The following DLGAP1 variants were observed in gnomAD, a reference collection of about 807,000 sequenced individuals.
DLGAP1 encodes the protein disks large-associated protein 1.
A neutral mutation model predicts 90.8 loss-of-function variants in DLGAP1; 11 were observed. The observed-to-expected ratio is 0.12, with a 90% CI of 0.08 to 0.20. DLGAP1 has a LOEUF of 0.20. DLGAP1 is among the 10% of genes least tolerant of loss of function. The probability of loss-of-function intolerance (pLI) is 1.00; values close to 1 mark genes in which losing one functional copy is unlikely to be tolerated. For missense variants in DLGAP1, 1,050 were observed against 1,333.8 expected (o/e 0.79, Z 3.31); for synonymous variants, 558 against 540.7 (o/e 1.03, Z -0.44).
chr18:3,577,511 G>A (rs1245334019), intron 8 of DLGAP1, among the ~76,000 whole-genome samples: 2 of 152,130 alleles, frequency 1.3e-5, no homozygotes, highest in Non-Finnish European at 2.9e-5. Flanking sequence ...TCTACTATGC[G>A]GTGGTATAAA....
intron 5 of DLGAP1, among the ~76,000 whole-genome samples, chr18:3,813,707 G>A (rs1236668687): frequency 2.6e-5 from 4 of 152,006 alleles, no homozygotes; most frequent in African/African-American, 9.7e-5. Context: ...TCGTGCCTGA[G>A]CAAACGTTCA....
intron 1 of DLGAP1, among the ~76,000 whole-genome samples, chr18:4,261,456 C>T (rs2079000992): frequency 6.6e-6 from 1 of 152,080 alleles, no homozygotes; most frequent in African/African-American, 2.4e-5. Context: ...ACTATTCTTC[C>T]CCTTGAAGTG....
At chr18:4,372,771 A>C (rs1260541721) in intron 1 of DLGAP1, among the ~76,000 whole-genome samples, 1 of 152,032 alleles carries the variant, frequency 6.6e-6, no homozygotes, top group Non-Finnish European at 1.5e-5. Flanking sequence ...TACTAAAAAT[A>C]CAAAAAATTA....
intron 3 of DLGAP1, among the ~76,000 whole-genome samples, chr18:3,968,181 C>T (rs917348322): frequency 1.3e-5 from 2 of 152,128 alleles, no homozygotes; most frequent in African/African-American, 4.8e-5. Context: ...GGGACCTCAC[C>T]CTGCCCCACT....
chr18:4,025,100 T>C (rs912107223), intron 2 of DLGAP1, among the ~76,000 whole-genome samples: 6 of 152,136 alleles, frequency 3.9e-5, no homozygotes, highest in Admixed American at 3.3e-4. Flanking sequence ...TCTAGGGATT[T>C]AGCAGCGGAA....
intron 1 of DLGAP1, among the ~76,000 whole-genome samples, chr18:4,380,684 G>A (rs779637364): frequency 6.6e-6 from 1 of 152,090 alleles, no homozygotes; most frequent in East Asian, 1.9e-4. Context: ...TGTGCACCCC[G>A]TTCTGGCTTT....
chr18:3,626,400 C>G (rs935736817), intron 7 of DLGAP1, among the ~76,000 whole-genome samples: 2 of 151,410 alleles, frequency 1.3e-5, no homozygotes, highest in South Asian at 4.2e-4. Flanking sequence ...TTAAGACAAG[C>G]CTGGGCAACA....
chr18:3,953,622 T>C (rs1453409941), intron 3 of DLGAP1, among the ~76,000 whole-genome samples: 2 of 152,228 alleles, frequency 1.3e-5, no homozygotes, highest in Non-Finnish European at 2.9e-5. Flanking sequence ...ATCTTTGCTA[T>C]TGTGATTAGC....
intron 1 of DLGAP1, among the ~76,000 whole-genome samples, chr18:4,343,429 C>T (rs111943026): frequency 9.9e-5 from 15 of 152,008 alleles, no homozygotes; most frequent in Middle Eastern, 6.8e-3. Context: ...TGGTAGTATC[C>T]TGATTACTTA....
chr18:4,276,172 T>A (rs2079409122), intron 1 of DLGAP1, among the ~76,000 whole-genome samples: 1 of 134,114 alleles, frequency 7.5e-6, no homozygotes, highest in Middle Eastern at 3.4e-3. Flanking sequence ...GGGGCTTGAT[T>A]TTTTTTTTTT....
intron 4 of DLGAP1, among the ~76,000 whole-genome samples, chr18:3,834,665 G>A (rs973268921): frequency 2.6e-5 from 4 of 152,292 alleles, no homozygotes; most frequent in East Asian, 1.9e-4. Flanking sequence ...AGCAGAAGGC[G>A]AATGTTAAAA....
At chr18:4,363,511 C>G (rs1260001446) in intron 1 of DLGAP1, among the ~76,000 whole-genome samples, 1 of 152,122 alleles carries the variant, frequency 6.6e-6, no homozygotes, top group African/African-American at 2.4e-5. Flanking sequence ...ACTCATCTGA[C>G]AAAGGGCTAA....
intron 7 of DLGAP1, among the ~76,000 whole-genome samples, chr18:3,724,983 G>A (rs1308245253): frequency 6.6e-6 from 1 of 151,356 alleles, no homozygotes; most frequent in Non-Finnish European, 1.5e-5. Context: ...TTCTGTCAAG[G>A]AGCATTATTT....
intron 1 of DLGAP1, among the ~76,000 whole-genome samples, chr18:4,226,683 C>A (rs1423194338): frequency 2.5e-4 from 32 of 125,506 alleles, no homozygotes; most frequent in African/African-American, 2.9e-4. Context: ...ATGGTAAACT[C>A]AAAAAAAAAA....
chr18:4,038,914 T>A (rs1322640623), intron 2 of DLGAP1, among the ~76,000 whole-genome samples: 1 of 152,146 alleles, frequency 6.6e-6, no homozygotes, highest in Non-Finnish European at 1.5e-5. Context: ...ACAGTTCTGA[T>A]GCCTGAAGTC....
chr18:3,507,907 T>G (rs2050332990), intron 11 of DLGAP1, among the ~76,000 whole-genome samples: 1 of 152,168 alleles, frequency 6.6e-6, no homozygotes, highest in Admixed American at 6.5e-5. Flanking sequence ...CAGCTAATTT[T>G]TGTATCTTTA....
intron 2 of DLGAP1, among the ~76,000 whole-genome samples, chr18:4,032,670 A>G (rs2074815495): frequency 6.7e-6 from 1 of 149,758 alleles, no homozygotes; most frequent in Non-Finnish European, 1.5e-5. Context: ...TCGTTTGGAC[A>G]CAAGTCACTT....
chr18:3,743,260 A>G (rs1412693232), intron 5 of DLGAP1, among the ~76,000 whole-genome samples: 1 of 152,134 alleles, frequency 6.6e-6, no homozygotes, highest in Non-Finnish European at 1.5e-5. Context: ...CCATACCCTT[A>G]AAAGAACTAC....
At chr18:3,731,118 TAAAGCA>T in intron 6 of DLGAP1, among the ~76,000 whole-genome samples, 1 of 152,086 alleles carries the variant, frequency 6.6e-6, no homozygotes, top group Non-Finnish European at 1.5e-5. Flanking sequence ...AAGCCAAAAA[TAAAGCA>T]AATATATATG....
Sources: gnomAD v4.1 joint callset for allele counts (sites outside exome capture counted in the v4.1 genomes callset) on GRCh38, gnomAD v4.1.1 for gene constraint, MANE v1.5 for transcripts, NCBI Gene and HGNC (gene_info 2026-07-23, HGNC 2026-07-21) for gene names.